C1QTNF2: variants seen among roughly 807,000 people sequenced by gnomAD.
C1QTNF2 encodes the protein C1q and TNF related 2, also known as complement C1q tumor necrosis factor-related protein 2.
C1QTNF2 carries 15 observed loss-of-function variants against 17.4 expected under a neutral mutation model. The ratio of observed to expected loss-of-function variants is 0.86; its 90% CI spans 0.58 to 1.33. The LOEUF is 1.33. Ranked by LOEUF, C1QTNF2 falls within the 40% of genes most tolerant of loss-of-function variation. The pLI is 0.00. For missense variants in C1QTNF2, 381 were observed against 392.3 expected, an observed-to-expected ratio of 0.97 and a Z score of 0.24; for synonymous variants, 154 against 163.3, an observed-to-expected ratio of 0.94 and a Z score of 0.44.
chr5:160,367,975 G>A (rs866121733), intron 1 of C1QTNF2, among the ~76,000 whole-genome samples: 7 of 152,332 alleles, frequency 4.6e-5, no homozygotes, highest in Middle Eastern at 6.8e-3. Flanking sequence ...CCACTTGGCA[G>A]AAGAGAAAAC....
In C1QTNF2 at chr5:160,349,848, C is replaced by T. The variant is rs1763883423; in HGVS notation, c.245-67G>A. The T allele has an allele frequency of 1.4e-6, 2 of 1,481,102 alleles. No individual in the cohort carries two copies. The highest frequency in any genetic ancestry group is 2.8e-5 in the African/African-American group (2 of 71,484). The allele number at this position is 1,481,102 out of a possible 1,614,324, so 91.7% of individuals were successfully genotyped here. The stretch of plus-strand genomic sequence containing the variant: ...ACCTAGGCAGAGGGGTGCGGTGCGG[C>T]TTGGTCTTCCAATCTTGGAGAAGGA... On this transcript the variant is annotated intron_variant, in intron 2 of 2. Coordinates refer to ENST00000652664, the MANE Select transcript of C1QTNF2 (RefSeq NM_031908.6). This position sits in a 1 kb window ranked among gnomAD's most constrained non-coding sequence, Gnocchi z 4.3.
At chr5:160,367,407 A>G (rs1764267094) in intron 1 of C1QTNF2, among the ~76,000 whole-genome samples, 1 of 152,232 alleles carries the variant, frequency 6.6e-6, no homozygotes, top group Non-Finnish European at 1.5e-5. Context: ...TAACTCTTAG[A>G]TTATCAGAAT....
At chr5:160,350,087 C>T (rs1238713995) in intron 2 of C1QTNF2, among the ~76,000 whole-genome samples, 2 of 152,198 alleles carry the variant, frequency 1.3e-5, no homozygotes, top group Admixed American at 6.5e-5. Flanking sequence ...TCAATCCTTC[C>T]ATGGGCTGCG....
chr5:160,367,256 G>T (rs561366405), intron 1 of C1QTNF2, among the ~76,000 whole-genome samples: 1 of 152,030 alleles, frequency 6.6e-6, no homozygotes, highest in Admixed American at 6.5e-5. Flanking sequence ...TGTTAACATC[G>T]ACGTTTGCAG....
At position 160,349,255 on chromosome 5, in the gene C1QTNF2, G is replaced by A. The variant is rs758103344; in HGVS notation, c.771C>T (p.Asn257=). The A allele has an allele frequency of 1.7e-5, 28 of 1,614,148 alleles. No homozygotes were observed. The highest frequency in any genetic ancestry group is 1.2e-4 in the Admixed American group (7 of 60,018). The change falls in exon 3 of 3, where the codon AAC becomes AAT. Residue 257 remains asparagine (N), a synonymous_variant. Coordinates refer to ENST00000652664, the MANE Select transcript of C1QTNF2 (RefSeq NM_031908.6). The surrounding 1 kb of genome is among the most constrained non-coding windows in gnomAD (Gnocchi z 4.3). The part of the protein sequence containing the change: ...VWLQIFYSEQ[N]GLFYDPYWTD... The stretch of plus-strand genomic sequence containing the variant: ...TCCAGTAAGGGTCATAGAAGAGCCC[G>A]TTCTGCTCTGAGTAGAAGATCTGCA...
Position 160,354,968 on chromosome 5 carries a change from G to A in C1QTNF2, c.44C>T (p.Ala15Val), listed in dbSNP as rs1764019477. The A allele has an allele frequency of 6.3e-7, 1 of 1,592,100 alleles. No homozygotes were observed. The highest frequency in any genetic ancestry group is 1.8e-5 in the Admixed American group (1 of 55,212). The stretch of plus-strand genomic sequence containing the variant: ...AGCAAAGGCGCCAAGCAGTGGGTCA[G>A]CAGCACAGGGGAGGGCACAGGCCAG... Reference protein sequence around the residue: ...VLLACALPCAADPLLGAFARR... With the variant: ...VLLACALPCAVDPLLGAFARR... Residue 15 changes from alanine (A) to valine (V), a missense_variant, in exon 2 of 3, where the codon GCT (alanine) becomes GTT (valine). Coordinates refer to ENST00000652664, the MANE Select transcript of C1QTNF2 (RefSeq NM_031908.6).
intron 2 of C1QTNF2, among the ~76,000 whole-genome samples, chr5:160,353,899 G>A (rs1289056652): frequency 7.0e-6 from 1 of 143,580 alleles, no homozygotes; most frequent in African/African-American, 2.6e-5. Flanking sequence ...TGCCTCCTGG[G>A]TTCAAGCAAT....
At chr5:160,354,623 TATATATATATAG>T (rs1764001763) in intron 2 of C1QTNF2, 133 bp downstream of exon 2, 7 of 231,416 alleles carry the variant, frequency 3.0e-5, no homozygotes, top group African/African-American at 1.9e-4. Flanking sequence ...TATATATATA[TATATATATATAG>T]ATTTATAAGT....
In C1QTNF2 at chr5:160,370,621, A is replaced by C; in HGVS notation, c.-119T>G. ...AGCAGCCGGGCAGAGCGTCGGCCCCAGGCATAGTTTTCCCATCCCGTCATG... is the reference window on the plus strand; with the variant it reads ...AGCAGCCGGGCAGAGCGTCGGCCCCCGGCATAGTTTTCCCATCCCGTCATG... On this transcript the variant is annotated 5_prime_UTR_variant, in exon 1 of 3. Transcript: ENST00000652664. 1.4e-6 allele frequency: 2 copies of C among 1,445,662 alleles called. No individual in the cohort carries two copies. The highest frequency in any genetic ancestry group is 1.5e-5 in the South Asian group (1 of 66,848). The allele number at this position is 1,445,662 out of a possible 1,614,324, so 89.6% of individuals were successfully genotyped here. A position where few individuals can be genotyped will look rare whatever the true frequency, so the allele number is the denominator to read the frequency against.
At chr5:160,365,441 A>G (rs557075754) in intron 1 of C1QTNF2, among the ~76,000 whole-genome samples, 1 of 152,254 alleles carries the variant, frequency 6.6e-6, no homozygotes, top group South Asian at 2.1e-4. Context: ...GCCGGGCACA[A>G]TGTCTCACAT....
At chr5:160,361,217 C>T (rs1270520944) in intron 1 of C1QTNF2, among the ~76,000 whole-genome samples, 1 of 152,208 alleles carries the variant, frequency 6.6e-6, no homozygotes, top group African/African-American at 2.4e-5. Context: ...TAAAGTGCCA[C>T]AGGCTGGGTC....
At chr5:160,366,755 G>T (rs1274095659) in intron 1 of C1QTNF2, among the ~76,000 whole-genome samples, 1 of 152,006 alleles carries the variant, frequency 6.6e-6, no homozygotes, top group Non-Finnish European at 1.5e-5. Context: ...TGAGTGCGGC[G>T]GCTCACACCT....
intron 1 of C1QTNF2, among the ~76,000 whole-genome samples, chr5:160,363,758 C>T (rs933165759): frequency 1.3e-5 from 2 of 152,334 alleles, no homozygotes; most frequent in African/African-American, 2.4e-5. Flanking sequence ...GGCTCTGGAG[C>T]GGCTGAAGAC....
intron 1 of C1QTNF2, among the ~76,000 whole-genome samples, chr5:160,363,250 T>G (rs764035968): frequency 6.6e-6 from 1 of 152,200 alleles, no homozygotes; most frequent in Non-Finnish European, 1.5e-5. Context: ...CTCTCCAGCT[T>G]CTCTGAAAAG....
At chr5:160,355,186 G>A (rs1327388783) in intron 1 of C1QTNF2, 166 bp from the exon 2 acceptor site, 6 of 981,482 alleles carry the variant, frequency 6.1e-6, no homozygotes, top group Admixed American at 6.2e-5. Context: ...GGACAGAGTC[G>A]TCATATCTTG....
intron 1 of C1QTNF2, among the ~76,000 whole-genome samples, chr5:160,361,831 A>C (rs1764159312): frequency 6.6e-6 from 1 of 152,146 alleles, no homozygotes; most frequent in African/African-American, 2.4e-5. Flanking sequence ...CGTGATCCAA[A>C]GCATTGCACC....
chr5:160,366,936 A>G (rs1764257813), intron 1 of C1QTNF2, among the ~76,000 whole-genome samples: 1 of 149,404 alleles, frequency 6.7e-6, no homozygotes, highest in South Asian at 2.1e-4. Flanking sequence ...AGTGGGGAGA[A>G]TTGCTTGAGT....
chr5:160,354,831 C>T lies in C1QTNF2; in HGVS notation c.181G>A (p.Gly61Ser). Reference sequence around the variant, plus strand: ...TCTTGGCCGTCTTTGCCAGGAAAGCCCATTCGTCCCATCATTCCTGAGGGC... The same window carrying T: ...TCTTGGCCGTCTTTGCCAGGAAAGCTCATTCGTCCCATCATTCCTGAGGGC... ...PGPSGMMGRM[G>S]FPGKDGQDGH... Residue 61 changes from glycine to serine, a missense_variant, in exon 2 of 3, where the codon GGC becomes AGC. Transcript: ENST00000652664. 6.2e-7 allele frequency: 1 copy of T among 1,613,296 alleles called. No homozygotes were observed.
At chr5:160,354,594 AAAAGTATATATATATATATATATAT>A (rs1332260647) in intron 2 of C1QTNF2, among the ~76,000 whole-genome samples, 149 bp downstream of exon 2, 1 of 43,390 alleles carries the variant, frequency 2.3e-5, no homozygotes, top group Non-Finnish European at 4.8e-5. Flanking sequence ...GAAAAAAAAA[AAAAGTATATATATATATATATATAT>A]ATATATATAT....
Sources: allele counts gnomAD v4.1 joint callset (sites outside exome capture counted in the v4.1 genomes callset), GRCh38; gene constraint gnomAD v4.1.1; non-coding constraint Gnocchi (gnomAD v3.1); transcripts MANE v1.5; gene names NCBI Gene and HGNC (gene_info 2026-07-23, HGNC 2026-07-21).